The following SLC25A20 variants were observed in gnomAD, a reference collection of about 807,000 sequenced individuals.
The protein encoded by SLC25A20 is mitochondrial carnitine/acylcarnitine carrier protein.
SLC25A20 carries 29 observed loss-of-function variants against 39.7 expected under a neutral mutation model. The observed-to-expected ratio is 0.73, with a 90% CI of 0.54 to 1.00. SLC25A20 has a LOEUF of 1.00. SLC25A20 is among the 50% of genes least tolerant of loss of function. SLC25A20 has a pLI of 0.00. For missense variants in SLC25A20, 333 were observed against 379.9 expected, an observed-to-expected ratio of 0.88 and a Z score of 1.03; for synonymous variants, 103 against 142.2, an observed-to-expected ratio of 0.72 and a Z score of 1.96.
intron 1 of SLC25A20, among the ~76,000 whole-genome samples, chr3:48,892,318 T>C (rs1045335796): frequency 6.6e-6 from 1 of 152,232 alleles, no homozygotes; most frequent in Non-Finnish European, 1.5e-5. Flanking sequence ...CATCAGTTCA[T>C]AGACATTTGT....
intron 2 of SLC25A20, among the ~76,000 whole-genome samples, chr3:48,885,479 C>T (rs1240016851): frequency 6.6e-6 from 1 of 152,016 alleles, no homozygotes; most frequent in African/African-American, 2.4e-5. Flanking sequence ...GTCCACAGGG[C>T]AGTAGAGGAC....
chr3:48,888,463 G>C (rs977972876), intron 2 of SLC25A20, among the ~76,000 whole-genome samples: 1 of 151,490 alleles, frequency 6.6e-6, no homozygotes, highest in Non-Finnish European at 1.5e-5. Flanking sequence ...CCAGCTACTC[G>C]GGAGGCTGAG....
intron 1 of SLC25A20, among the ~76,000 whole-genome samples, chr3:48,894,775 C>G (rs900017659): frequency 6.6e-6 from 1 of 152,138 alleles, no homozygotes; most frequent in Non-Finnish European, 1.5e-5. Flanking sequence ...CAATAGATAA[C>G]TGATATATCC....
In SLC25A20 at chr3:48,859,176, T is replaced by C; in HGVS notation, c.634A>G (p.Ile212Val). ...CCTGCAATGCCCCCAGCCACCAAGA[T>C]CCGAGGGGCACTGAGCTCACTGACC... ...KRVSELSAPR[I>V]LVAGGIAGIF... is the part of the protein sequence containing the mutation. The change falls in exon 7 of 9, where the codon ATC becomes GTC. Residue 212 changes from isoleucine (I) to valine (V), a missense_variant. Transcript: ENST00000319017. 6.2e-7 allele frequency: 1 copy of C among 1,613,852 alleles called. No homozygotes were observed. Among genetic ancestry groups the C allele is most frequent in the Non-Finnish European group, 8.5e-7 (1 of 1,179,960 alleles).
Position 48,859,730 on chromosome 3 carries a change from G to T in SLC25A20, c.536-103C>A, listed in dbSNP as rs985697516. The T allele has an allele frequency of 5.3e-6, 5 of 939,770 alleles. No homozygotes were observed. In the African/African-American group the frequency reaches 6.4e-5, roughly 12 times the overall value. 58.2% of individuals were successfully genotyped at this position (939,770 alleles called of 1,614,324 possible). On this transcript the variant is annotated intron_variant, in intron 5 of 8. Transcript: ENST00000319017. ...GCAATTTAGGAGATTGAGGCAGGGG[G>T]ATTGCTTGAGGCCAGGAGGTCCGCG...
chr3:48,859,004 C>G, intron 7 of SLC25A20, 88 bp downstream of exon 7: 1 of 1,008,160 alleles, frequency 9.9e-7, no homozygotes, highest in Non-Finnish European at 1.5e-6. Context: ...GAGTGAGTAT[C>G]CCTAGGGCCT....
intron 1 of SLC25A20, among the ~76,000 whole-genome samples, chr3:48,893,972 C>T (rs1053886940): frequency 1.3e-5 from 2 of 151,278 alleles, no homozygotes; most frequent in Non-Finnish European, 2.9e-5. Flanking sequence ...ACCAGCATGG[C>T]CAACATGGCA....
At chr3:48,893,852 GAAAAAAAAAAA>G (rs978467478) in intron 1 of SLC25A20, among the ~76,000 whole-genome samples, 20 of 69,108 alleles carry the variant, frequency 2.9e-4, no homozygotes, top group Admixed American at 5.5e-4. Context: ...CTTTAAAAAA[GAAAAAAAAAAA>G]AAAAAAAAAA....
At chr3:48,871,050 T>G (rs2083711242) in intron 4 of SLC25A20, among the ~76,000 whole-genome samples, 1 of 151,916 alleles carries the variant, frequency 6.6e-6, no homozygotes, top group Non-Finnish European at 1.5e-5. Flanking sequence ...GGTCTCAAAC[T>G]CCTGGCCTCA....
chr3:48,859,919 C>A (rs1252095252), intron 5 of SLC25A20, among the ~76,000 whole-genome samples: 1 of 152,180 alleles, frequency 6.6e-6, no homozygotes, highest in Non-Finnish European at 1.5e-5. Flanking sequence ...GTAATCCGAG[C>A]ACTTTGGGAG....
chr3:48,891,934 G>A (rs746939978), intron 2 of SLC25A20, 46 bp downstream of exon 2: 11 of 1,444,554 alleles, frequency 7.6e-6, no homozygotes, highest in African/African-American at 2.8e-5. Flanking sequence ...AATCAACCCC[G>A]TGAATGTGTT....
chr3:48,872,041 C>CTCA (rs1348111292), intron 4 of SLC25A20, among the ~76,000 whole-genome samples: 1 of 130,310 alleles, frequency 7.7e-6, no homozygotes, highest in East Asian at 2.4e-4. Context: ...GCCACACAAG[C>CTCA]TGGTCTCAGC....
intron 4 of SLC25A20, among the ~76,000 whole-genome samples, chr3:48,870,100 CT>C (rs2083702715): frequency 6.6e-6 from 1 of 150,778 alleles, no homozygotes; most frequent in African/African-American, 2.4e-5. Flanking sequence ...CAGGCATTGT[CT>C]TAAAAAAAAG....
rs1197208067 is a variant in SLC25A20, at chr3:48,867,876, C to T, written c.418-5217G>A. ...AGGAGTTCGAGACCAGCCTGACCAA[C>T]ATGGAGAAACCCCGTCTCTACTAAA... On this transcript the variant is annotated intron_variant, in intron 4 of 8. Transcript: ENST00000319017. Among the ~76,000 whole-genome samples, 4 of 151,454 alleles carry T rather than the reference C, an allele frequency of 2.6e-5. No homozygotes were observed. The South Asian group carries it at 8.3e-4, about 31-fold the overall frequency.
rs577331691 is a variant in SLC25A20 at position 48,859,119 on chromosome 3, C to G, written c.691G>C (p.Asp231His). 9.3e-6 allele frequency: 15 copies of G among 1,614,098 alleles called. No individual in the cohort carries two copies. The highest frequency in any genetic ancestry group is 1.1e-5 in the South Asian group (1 of 91,070). The change falls in exon 7 of 9, where the codon GAT becomes CAT. Residue 231 changes from aspartate (D) to histidine (H), a missense_variant. Physicochemically the swap from Asp to His is moderately conservative, Grantham distance 81. Coordinates refer to ENST00000319017, the MANE Select transcript of SLC25A20 (RefSeq NM_000387.6). ...GTCTGGAATCGAGACTTGAGCACATCTGGGGGGATTGCCACAGCCCAGTTG... is the reference window on the plus strand; with the variant it reads ...GTCTGGAATCGAGACTTGAGCACATGTGGGGGGATTGCCACAGCCCAGTTG... ...IFNWAVAIPP[D>H]VLKSRFQTAP...
At chr3:48,873,464 C>A (rs2083732244) in intron 4 of SLC25A20, among the ~76,000 whole-genome samples, 1 of 150,980 alleles carries the variant, frequency 6.6e-6, no homozygotes. Flanking sequence ...CAAAAATGAG[C>A]TGGGCGTGGT....
chr3:48,863,347 A>G (rs1051863499), intron 4 of SLC25A20, among the ~76,000 whole-genome samples: 2 of 152,240 alleles, frequency 1.3e-5, no homozygotes, highest in Admixed American at 1.3e-4. Flanking sequence ...CTACCTGGTC[A>G]TGAGAGTTGG....
chr3:48,858,476 G>A (rs779210360), intron 8 of SLC25A20, 31 bp downstream of exon 8: 43 of 1,613,966 alleles, frequency 2.7e-5, no homozygotes, highest in Non-Finnish European at 3.4e-5. Flanking sequence ...CTGAGCCCCA[G>A]AGGGAAAGCA....
At chr3:48,897,361 A>T (rs2083917052) in intron 1 of SLC25A20, among the ~76,000 whole-genome samples, 2 of 109,096 alleles carry the variant, frequency 1.8e-5, no homozygotes, top group Non-Finnish European at 3.8e-5. Context: ...ATATATATAT[A>T]TATATATTTT....
Sources: gnomAD v4.1 joint callset for allele counts (sites outside exome capture counted in the v4.1 genomes callset) on GRCh38, gnomAD v4.1.1 for gene constraint, MANE v1.5 for transcripts, NCBI Gene and HGNC (gene_info 2026-07-23, HGNC 2026-07-21) for gene names.